PTPRS: variants seen among roughly 807,000 people sequenced by gnomAD.
The protein encoded by PTPRS is receptor-type tyrosine-protein phosphatase S.
PTPRS carries 63 observed loss-of-function variants against 215.3 expected under a neutral mutation model. The ratio of observed to expected loss-of-function variants is 0.29; its 90% CI spans 0.24 to 0.36. PTPRS has a LOEUF of 0.36. Among genes scored for constraint, PTPRS ranks in the 10% least tolerant of loss-of-function variants. PTPRS has a pLI of 1.00. For synonymous variants in PTPRS, 1,404 were observed against 1,191.4 expected (o/e 1.18, Z -3.68); for missense variants, 2,258 against 2,825.8 (o/e 0.80, Z 4.56).
intron 9 of PTPRS, among the ~76,000 whole-genome samples, chr19:5,247,464 G>C (rs2044603866): frequency 1.3e-5 from 2 of 152,160 alleles, no homozygotes; most frequent in Non-Finnish European, 2.9e-5. Flanking sequence ...ACTGCTGTGG[G>C]AAGGACTCGG....
At chr19:5,340,147 C>T (rs1327640382) in intron 1 of PTPRS, among the ~76,000 whole-genome samples, 1 of 151,514 alleles carries the variant, frequency 6.6e-6, no homozygotes, top group African/African-American at 2.4e-5. Flanking sequence ...TGGAGCCACC[C>T]GTCCCGGCTC....
In PTPRS at chr19:5,301,508, G is replaced by A. The variant is rs556200869; in HGVS notation, c.-94-15274C>T. ...TTTTTGTATTTTTAGTAGAGACAGGGTTTCACCATATTGGTCAGGCTGGTC... is the reference window on the plus strand; with the variant it reads ...TTTTTGTATTTTTAGTAGAGACAGGATTTCACCATATTGGTCAGGCTGGTC... On this transcript the variant is annotated intron_variant, in intron 1 of 37. Transcript: ENST00000262963. 1.4e-4 allele frequency among the ~76,000 whole-genome samples: 22 copies of A among 151,956 alleles called. 2 individuals carry two copies. In the East Asian group the frequency reaches 4.3e-3, roughly 30 times the overall value.
intron 1 of PTPRS, among the ~76,000 whole-genome samples, chr19:5,303,074 A>G (rs2147101379): frequency 6.6e-6 from 1 of 152,032 alleles, no homozygotes; most frequent in Admixed American, 6.6e-5. Flanking sequence ...CGTCTCAAAA[A>G]CAAAAACAAA....
At position 5,244,902 on chromosome 19, in the gene PTPRS, T is replaced by C. The variant is rs1415948804; in HGVS notation, c.989-420A>G. Among the ~76,000 whole-genome samples, 1 of 151,934 alleles carries C rather than the reference T, an allele frequency of 6.6e-6. No homozygotes were observed. Among genetic ancestry groups the C allele is most frequent in the African/African-American group, 2.4e-5 (1 of 41,350 alleles). ...CCAGGATGGTCTCGATCTCCTGACC[T>C]CGTGATCCGCCCGCCTCGGCCTCCC... On this transcript the variant is annotated intron_variant, in intron 10 of 37. Transcript: ENST00000262963. The surrounding 1 kb of genome is among the most constrained non-coding windows in gnomAD (Gnocchi z 7.2).
chr19:5,236,769 G>A (rs1008500228), intron 13 of PTPRS, among the ~76,000 whole-genome samples: 9 of 151,582 alleles, frequency 5.9e-5, no homozygotes, highest in Non-Finnish European at 1.0e-4. Flanking sequence ...CTAGACAAAG[G>A]GAACCCTTCC....
At chr19:5,331,128 T>TAA (rs1041351468) in intron 1 of PTPRS, among the ~76,000 whole-genome samples, 41 of 100,132 alleles carry the variant, frequency 4.1e-4, no homozygotes, top group South Asian at 1.0e-3. Context: ...CTTCTTTTTT[T>TAA]AAAAAAAAAA....
At chr19:5,275,022 C>A (rs776371818) in intron 2 of PTPRS, among the ~76,000 whole-genome samples, 16 of 151,598 alleles carry the variant, frequency 1.1e-4, no homozygotes, top group Non-Finnish European at 8.8e-5. Context: ...TAATATTTAA[C>A]CTCTCCAACA....
chr19:5,238,340 G>A (rs1324856198), intron 13 of PTPRS, among the ~76,000 whole-genome samples: 4 of 152,144 alleles, frequency 2.6e-5, no homozygotes, highest in Admixed American at 6.5e-5. Flanking sequence ...GGACCTGCAT[G>A]CCCCCACGAA....
chr19:5,334,923 CG>C (rs2050444153), intron 1 of PTPRS, among the ~76,000 whole-genome samples: 1 of 152,184 alleles, frequency 6.6e-6, no homozygotes, highest in South Asian at 2.1e-4. Flanking sequence ...GGGCCTGGCA[CG>C]GGGCGCCAAC....
rs28687071 is a variant in PTPRS, at chr19:5,286,602, G to T, written c.-94-368C>A. On this transcript the variant is annotated intron_variant, in intron 1 of 37. Transcript: ENST00000262963. ...CTGCCACGTGAGGACACAGGGAGAA[G>T]ATGCCTTCCACGAACCAGAAGATAG... Among the ~76,000 whole-genome samples, 891 of 152,258 alleles carry T rather than the reference G, an allele frequency of 5.9e-3. 7 individuals are homozygous for T. Among genetic ancestry groups the T allele is most frequent in the African/African-American group, 0.021 (859 of 41,536 alleles).
At position 5,214,319 on chromosome 19, in the gene PTPRS, C is replaced by A. The variant is rs774011329; in HGVS notation, c.4614+42G>T. 9.3e-6 allele frequency: 15 copies of A among 1,613,414 alleles called. No individual in the cohort carries two copies. In the East Asian group the frequency reaches 2.7e-4, roughly 29 times the overall value. On this transcript the variant is annotated intron_variant, in intron 30 of 37. Transcript: ENST00000262963. ...GGGGCCCTCTGCCTCCCTTCCAACA[C>A]ATTCCTCCACCCTCAGCCCCCAGCC... is the stretch of plus-strand genomic sequence containing the variant.
chr19:5,253,352 A>AT (rs1465537010), intron 9 of PTPRS, among the ~76,000 whole-genome samples: 1 of 152,170 alleles, frequency 6.6e-6, no homozygotes, highest in African/African-American at 2.4e-5. Context: ...TAAGAGTGAG[A>AT]TTAGGGGTTG....
chr19:5,226,657 G>A (rs1399288562), intron 16 of PTPRS, among the ~76,000 whole-genome samples: 2 of 152,264 alleles, frequency 1.3e-5, no homozygotes, highest in Non-Finnish European at 2.9e-5. Flanking sequence ...GCTGAGGCAG[G>A]AGGATCACTT....
intron 1 of PTPRS, among the ~76,000 whole-genome samples, chr19:5,290,355 G>A (rs879492850): frequency 4.6e-5 from 7 of 152,200 alleles, no homozygotes; most frequent in Non-Finnish European, 7.4e-5. Context: ...TGGCCACTGC[G>A]AGATCTCTGG....
intron 1 of PTPRS, among the ~76,000 whole-genome samples, chr19:5,337,280 T>A (rs1336587780): frequency 2.0e-5 from 3 of 152,172 alleles, no homozygotes; most frequent in African/African-American, 7.2e-5. Context: ...CATCCCGAAC[T>A]CTCTCCACGC....
intron 28 of PTPRS, 93 bp from the exon 29 acceptor site, chr19:5,214,829 C>G: frequency 2.3e-6 from 3 of 1,303,444 alleles, no homozygotes; most frequent in East Asian, 2.5e-5. Context: ...TCACTCTGAC[C>G]GCTCCCAGAT....
intron 2 of PTPRS, chr19:5,277,705 G>T: frequency 5.0e-6 from 3 of 602,170 alleles, no homozygotes; most frequent in South Asian, 4.9e-5. Flanking sequence ...GCTGCCTAAG[G>T]AGGTGGCAGC....
Position 5,252,383 on chromosome 19 carries a change from C to T in PTPRS, c.718+3725G>A, listed in dbSNP as rs2045184023. ...CCTGAGGTCAGGAGTTTGAGACCAGCCTGGCCAACATGGTGAAACCCTGTC... is the reference window on the plus strand; with the variant it reads ...CCTGAGGTCAGGAGTTTGAGACCAGTCTGGCCAACATGGTGAAACCCTGTC... On this transcript the variant is annotated intron_variant, in intron 9 of 37. Transcript: ENST00000262963. Among the ~76,000 whole-genome samples the T allele has an allele frequency of 6.6e-5, 10 of 152,056 alleles. No individual in the cohort carries two copies. In the South Asian group the frequency reaches 2.1e-3, roughly 32 times the overall value.
intron 1 of PTPRS, among the ~76,000 whole-genome samples, chr19:5,302,724 C>T (rs975744227): frequency 6.6e-6 from 1 of 152,046 alleles, no homozygotes; most frequent in African/African-American, 2.4e-5. Flanking sequence ...GAGGCCACCC[C>T]CAAACAGCCC....
Sources: gnomAD v4.1 joint callset for allele counts (sites outside exome capture counted in the v4.1 genomes callset) on GRCh38, gnomAD v4.1.1 for gene constraint, Gnocchi (gnomAD v3.1) non-coding constraint, MANE v1.5 for transcripts, NCBI Gene and HGNC (gene_info 2026-07-23, HGNC 2026-07-21) for gene names.